ADGRA1: variants seen among roughly 807,000 people sequenced by gnomAD.
The protein encoded by ADGRA1 is G-protein coupled receptor 123.
A neutral mutation model predicts 21.3 loss-of-function variants in ADGRA1; 12 were observed. That is an observed-to-expected ratio of 0.56 (90% CI 0.36 to 0.91). ADGRA1 has a LOEUF of 0.91. Among genes scored for constraint, ADGRA1 ranks in the 40% least tolerant of loss-of-function variants. ADGRA1 has a pLI of 0.01. For synonymous variants in ADGRA1, 385 were observed against 368.8 expected, an observed-to-expected ratio of 1.04 and a Z score of -0.50; for missense variants, 790 against 805.6, an observed-to-expected ratio of 0.98 and a Z score of 0.23.
At chr10:133,112,469 G>T (rs1852060109) in intron 5 of ADGRA1, among the ~76,000 whole-genome samples, 2 of 148,570 alleles carry the variant, frequency 1.3e-5, no homozygotes. Context: ...GTTATTTGGG[G>T]TCTGCGGGCC....
chr10:133,106,351 G>A (rs1344876759), intron 5 of ADGRA1, among the ~76,000 whole-genome samples: 4 of 152,210 alleles, frequency 2.6e-5, no homozygotes, highest in African/African-American at 4.8e-5. Context: ...CCTGCTGACC[G>A]AATGAGTCAC....
intron 3 of ADGRA1, among the ~76,000 whole-genome samples, 162 bp from the exon 4 acceptor site, chr10:133,098,478 G>A (rs968632999): frequency 2.6e-5 from 4 of 152,164 alleles, no homozygotes; most frequent in African/African-American, 7.2e-5. Context: ...AGACTCGGAC[G>A]ACCCATCTGC....
intron 5 of ADGRA1, among the ~76,000 whole-genome samples, chr10:133,126,548 C>T (rs772497094): frequency 3.3e-5 from 5 of 152,146 alleles, no homozygotes; most frequent in African/African-American, 1.2e-4. Context: ...CTCATGGGTC[C>T]GGGTGGGGGC....
intron 2 of ADGRA1, among the ~76,000 whole-genome samples, chr10:133,092,801 G>GGAA (rs1851620833): frequency 8.0e-6 from 1 of 125,296 alleles, no homozygotes; most frequent in African/African-American, 3.2e-5. Flanking sequence ...AAGGAAGAGA[G>GGAA]GGAGGGAAGG....
At position 133,129,037 on chromosome 10, in the gene ADGRA1, G is replaced by C. The variant is rs531647203; in HGVS notation, c.1209G>C (p.Glu403Asp). 6.4e-7 allele frequency: 1 copy of C among 1,561,114 alleles called. No individual in the cohort carries two copies. Among genetic ancestry groups the C allele is most frequent in the East Asian group, 2.4e-5 (1 of 41,948 alleles). Reference sequence around the variant, plus strand: ...ACGAGGCGCACGTGCACCTGCAGGAGGAGGGCGCCTTCGGGCACGACCCCC... The same window carrying C: ...ACGAGGCGCACGTGCACCTGCAGGACGAGGGCGCCTTCGGGCACGACCCCC... Reference protein sequence around the residue: ...TADEAHVHLQEEGAFGHDPHL... With the variant: ...TADEAHVHLQDEGAFGHDPHL... Residue 403 changes from glutamate (E) to aspartate (D), a missense_variant, in exon 7 of 7, where the codon GAG (glutamate) becomes GAC (aspartate). This residue lies in a region of ADGRA1 where 391 missense variants were observed against 351.5 expected (regional missense o/e 1.11). Coordinates refer to ENST00000392607, the MANE Select transcript of ADGRA1 (RefSeq NM_001083909.3).
chr10:133,093,242 C>A, intron 2 of ADGRA1: 1 of 1,587,670 alleles, frequency 6.3e-7, no homozygotes, highest in East Asian at 2.2e-5. Flanking sequence ...TTTCCCACCT[C>A]TCACTGCTGC....
chr10:133,118,796 TTG>T (rs2135900844), intron 5 of ADGRA1, among the ~76,000 whole-genome samples: 1 of 152,244 alleles, frequency 6.6e-6, no homozygotes, highest in African/African-American at 2.4e-5. Flanking sequence ...ACCAAAAAAT[TTG>T]TGTGACTCAC....
At chr10:133,102,355 C>G (rs532485582) in intron 4 of ADGRA1, 2 of 518,060 alleles carry the variant, frequency 3.9e-6, no homozygotes, top group Non-Finnish European at 7.6e-6. Flanking sequence ...GCTCAGGGGA[C>G]GTTGGTCTGC....
chr10:133,103,976 C>T (rs920869593), intron 5 of ADGRA1, among the ~76,000 whole-genome samples: 1 of 152,218 alleles, frequency 6.6e-6, no homozygotes, highest in Non-Finnish European at 1.5e-5. Flanking sequence ...GCTCTGTGGC[C>T]AGCGGTCCCA....
chr10:133,127,460 G>A, intron 6 of ADGRA1, 129 bp downstream of exon 6: 1 of 693,904 alleles, frequency 1.4e-6, no homozygotes, highest in Non-Finnish European at 2.4e-6. Flanking sequence ...CCTGGGGCTT[G>A]CCGAGAGCTG....
rs898193285 is a variant in ADGRA1 at position 133,129,143 on chromosome 10, C to T, written c.1315C>T (p.His439Tyr). 1 of 1,554,984 alleles carries T rather than the reference C, an allele frequency of 6.4e-7. No individual in the cohort carries two copies. Among genetic ancestry groups the T allele is most frequent in the Non-Finnish European group, 8.7e-7 (1 of 1,149,332 alleles). ...AGCAGAGGAGCCCGAGTACGCCTAC[C>T]ACATCCCATCCAGCCTGGATGGCAG... ...HPAEEPEYAYHIPSSLDGSPR... is the reference protein window; with the variant it reads ...HPAEEPEYAYYIPSSLDGSPR... The change falls in exon 7 of 7, where the codon CAC (histidine) becomes TAC (tyrosine). Residue 439 changes from histidine to tyrosine, a missense_variant. His to Tyr is a moderately conservative substitution (Grantham distance 83). Transcript: ENST00000392607.
At chr10:133,100,537 A>T (rs1021094746) in intron 4 of ADGRA1, among the ~76,000 whole-genome samples, 1 of 152,164 alleles carries the variant, frequency 6.6e-6, no homozygotes, top group African/African-American at 2.4e-5. Flanking sequence ...CTCGGGGCGG[A>T]TGCTGGGGTG....
chr10:133,096,029 C>T (rs964344608), intron 2 of ADGRA1, among the ~76,000 whole-genome samples: 3 of 152,280 alleles, frequency 2.0e-5, no homozygotes, highest in South Asian at 2.1e-4. Flanking sequence ...GGGTTCTTAC[C>T]GGAACATGGC....
intron 5 of ADGRA1, among the ~76,000 whole-genome samples, chr10:133,105,453 C>T (rs1014962957): frequency 5.9e-5 from 9 of 152,166 alleles, no homozygotes; most frequent in East Asian, 1.9e-4. Flanking sequence ...GAGCAGCCGA[C>T]GTTTTGAGAA....
chr10:133,089,016 G>C (rs183376830), intron 2 of ADGRA1, 104 bp downstream of exon 2: 17 of 1,234,488 alleles, frequency 1.4e-5, no homozygotes, highest in Non-Finnish European at 1.7e-5. Flanking sequence ...GTGGAATGGC[G>C]AGCTGGTGAC....
chr10:133,096,534 G>A (rs1315393322), intron 2 of ADGRA1, among the ~76,000 whole-genome samples: 1 of 152,232 alleles, frequency 6.6e-6, no homozygotes, highest in Non-Finnish European at 1.5e-5. Context: ...GCAGGGTTTC[G>A]ATGAGTGTGG....
chr10:133,102,798 C>T lies in ADGRA1; in HGVS notation c.357C>T (p.Cys119=), dbSNP rs755258972. 4 of 1,612,770 alleles carry T rather than the reference C, an allele frequency of 2.5e-6. No individual in the cohort carries two copies. The highest frequency in any genetic ancestry group is 3.4e-6 in the Non-Finnish European group (4 of 1,179,808). The change falls in exon 5 of 7, where the codon TGC becomes TGT. Residue 119 remains cysteine, a synonymous_variant. Transcript: ENST00000392607. ...YKQVTKKAPL[C]LDTDQPPYPR... Reference sequence around the variant, plus strand: ...AGGTGACCAAGAAGGCCCCTCTGTGCCTGGACACAGACCAGCCACCGTACC... The same window carrying T: ...AGGTGACCAAGAAGGCCCCTCTGTGTCTGGACACAGACCAGCCACCGTACC...
intron 5 of ADGRA1, among the ~76,000 whole-genome samples, chr10:133,105,438 C>T (rs1851876469): frequency 6.6e-6 from 1 of 152,072 alleles, no homozygotes; most frequent in Non-Finnish European, 1.5e-5. Flanking sequence ...ACTCAGGACG[C>T]TCCTGAGCAG....
intron 5 of ADGRA1, among the ~76,000 whole-genome samples, chr10:133,121,615 CCT>C (rs1491464148): frequency 9.7e-6 from 1 of 103,544 alleles, no homozygotes; most frequent in African/African-American, 3.9e-5. Context: ...CATGTGAGTG[CCT>C]GTGTGTGTGA....
Sources: allele counts gnomAD v4.1 joint callset (sites outside exome capture counted in the v4.1 genomes callset), GRCh38; gene constraint gnomAD v4.1.1; regional missense constraint gnomAD v4.1.1; transcripts MANE v1.5; gene names NCBI Gene and HGNC (gene_info 2026-07-23, HGNC 2026-07-21).